AP5Z1: variants seen among roughly 807,000 people sequenced by gnomAD.
AP5Z1 encodes adaptor related protein complex 5 subunit zeta 1.
Under a neutral mutation model 83.0 loss-of-function variants are expected in AP5Z1, and 106 were observed. The ratio of observed to expected loss-of-function variants is 1.28; its 90% CI spans 1.09 to 1.50. The LOEUF is 1.50. Among genes scored for constraint, AP5Z1 ranks in the 40% most tolerant of loss-of-function variants. The pLI is 0.00. For synonymous variants in AP5Z1, 751 were observed against 514.1 expected, an observed-to-expected ratio of 1.46 and a Z score of -6.23; for missense variants, 1,565 against 1,094.2, an observed-to-expected ratio of 1.43 and a Z score of -6.07.
intron 14 of AP5Z1, 68 bp downstream of exon 14, chr7:4,789,997 T>TCC: frequency 2.6e-6 from 1 of 385,904 alleles, no homozygotes; most frequent in Non-Finnish European, 3.2e-6. Context: ...CCCTCTCCCC[T>TCC]CCCCCCTCCC....
In AP5Z1 at chr7:4,778,738, TTATA is replaced by T. The variant is rs1781287168; in HGVS notation, c.42-2432_42-2429del. Among the ~76,000 whole-genome samples the T allele has an allele frequency of 3.4e-5, 5 of 147,268 alleles. No individual in the cohort carries two copies. The South Asian group carries it at 1.0e-3, about 31-fold the overall frequency. ...ATATGTATATGTGTGTATATATAAT[TTATA>T]TATAACATTTTATATATTATATATT... On this transcript the variant is annotated intron_variant, in intron 1 of 16. Transcript: ENST00000649063.
chr7:4,779,325 TTA>T (rs952038750), intron 1 of AP5Z1, among the ~76,000 whole-genome samples: 38 of 147,360 alleles, frequency 2.6e-4, no homozygotes, highest in Admixed American at 1.4e-3. Flanking sequence ...ACATAACACG[TTA>T]TATATGATAT....
rs1473793825 is a variant in AP5Z1 at position 4,775,624 on chromosome 7, A to G, written c.-92A>G. 6.5e-6 allele frequency: 10 copies of G among 1,540,926 alleles called. No homozygotes were observed. In the African/African-American group the frequency reaches 8.2e-5, roughly 13 times the overall value. On this transcript the variant is annotated 5_prime_UTR_variant, in exon 1 of 17. Coordinates refer to ENST00000649063, the MANE Select transcript of AP5Z1 (RefSeq NM_014855.3). ...CACGTAAGGCCGCTGCGCTCACGTG[A>G]CGCGGTCCCGGAAGTTGACCGGGGT...
rs1781499973 is a variant in AP5Z1, at chr7:4,785,133, T to G, written c.931+85T>G. 3 of 1,511,450 alleles carry G rather than the reference T, an allele frequency of 2.0e-6. No individual in the cohort carries two copies. The East Asian group carries it at 6.9e-5, about 35-fold the overall frequency. 93.6% of individuals were successfully genotyped at this position (1,511,450 alleles called of 1,614,324 possible). On this transcript the variant is annotated intron_variant, in intron 7 of 16. Transcript: ENST00000649063. ...CCACCTGAGGCCAGCACAGCTTCCC[T>G]GAGCTACTGCTCCACAGAGGGGGTC... is the stretch of plus-strand genomic sequence containing the variant.
rs761776149 is a variant in AP5Z1, at chr7:4,786,418, A to G, written c.1301A>G (p.Asn434Ser). 3 of 1,613,404 alleles carry G rather than the reference A, an allele frequency of 1.9e-6. No individual in the cohort carries two copies. The highest frequency in any genetic ancestry group is 1.7e-5 in the Admixed American group (1 of 59,982). ...AGCACCCTCAGATTGAGCTTCCCCA[A>G]CCTCTTTAAGGTATATTTGGGCATC... ...HLSTLRLSFPNLFKFLAWNSP... is the reference protein window; with the variant it reads ...HLSTLRLSFPSLFKFLAWNSP... Residue 434 changes from asparagine to serine, a missense_variant, in exon 10 of 17, where the codon AAC becomes AGC. Physicochemically the swap from Asn to Ser is conservative, Grantham distance 46 (BLOSUM62 1). Transcript: ENST00000649063.
intron 4 of AP5Z1, 31 bp downstream of exon 4, chr7:4,783,491 G>A: frequency 6.2e-7 from 1 of 1,604,650 alleles, no homozygotes; most frequent in Non-Finnish European, 8.5e-7. Flanking sequence ...GAGGCTGTTG[G>A]GGGTCTGCCT....
chr7:4,788,139 C>T lies in AP5Z1; in HGVS notation c.1455-15C>T, dbSNP rs547586402. The T allele has an allele frequency of 8.1e-5, 122 of 1,513,586 alleles. No homozygotes were observed. The highest frequency in any genetic ancestry group is 2.2e-5 in the Non-Finnish European group (25 of 1,124,860). 93.8% of individuals were successfully genotyped at this position (1,513,586 alleles called of 1,614,324 possible). ...GGCCGCATCCCAGCCTGGCCTTGGG[C>T]GTCTGTCCACGCAGGTCAGCACCGG... is the stretch of plus-strand genomic sequence containing the variant. On this transcript the variant is annotated splice_polypyrimidine_tract_variant and intron_variant, in intron 11 of 16. Transcript: ENST00000649063.
At chr7:4,785,182 G>A (rs1327900416) in intron 7 of AP5Z1, 134 bp downstream of exon 7, 3 of 1,408,546 alleles carry the variant, frequency 2.1e-6, no homozygotes, top group South Asian at 1.4e-5. Flanking sequence ...TTTGGAGCAG[G>A]GGCATTTTTG....
chr7:4,785,380 A>G, intron 7 of AP5Z1, 35 bp from the exon 8 acceptor site: 1 of 1,609,646 alleles, frequency 6.2e-7, no homozygotes, highest in Non-Finnish European at 8.5e-7. Flanking sequence ...TCTAAGGCTG[A>G]GACAGAGCCG....
intron 13 of AP5Z1, among the ~76,000 whole-genome samples, 185 bp from the exon 14 acceptor site, chr7:4,789,647 G>A (rs1035342697): frequency 2.0e-5 from 3 of 152,228 alleles, no homozygotes; most frequent in Non-Finnish European, 2.9e-5. Flanking sequence ...GGCCAGCCCA[G>A]GGCTTCCCTC....
At position 4,789,217 on chromosome 7, in the gene AP5Z1, C is replaced by T. The variant is rs540525545; in HGVS notation, c.1707+266C>T. Reference sequence around the variant, plus strand: ...CCGGCAGGCCACGTCCCCCAATCCCCGTCCCATCCCCTTCATCCCGGCAGG... The same window carrying T: ...CCGGCAGGCCACGTCCCCCAATCCCTGTCCCATCCCCTTCATCCCGGCAGG... On this transcript the variant is annotated intron_variant, in intron 13 of 16. Transcript: ENST00000649063. Among the ~76,000 whole-genome samples, 6 of 148,566 alleles carry T rather than the reference C, an allele frequency of 4.0e-5. No individual in the cohort carries two copies. In the East Asian group the frequency reaches 5.8e-4, roughly 14 times the overall value.
In AP5Z1 at chr7:4,777,444, A is replaced by G. The variant is rs181696298; in HGVS notation, c.41+1688A>G. Among the ~76,000 whole-genome samples, 896 of 151,980 alleles carry G rather than the reference A, an allele frequency of 5.9e-3. 9 individuals carry two copies. The highest frequency in any genetic ancestry group is 0.021 in the African/African-American group (862 of 41,426). ...CCTCTGTCGCCCAGGCTGGAGTACA[A>G]TGGCGCAATCTCAGTTCACTGCAAC... On this transcript the variant is annotated intron_variant, in intron 1 of 16. Coordinates refer to ENST00000649063, the MANE Select transcript of AP5Z1 (RefSeq NM_014855.3).
At position 4,783,258 on chromosome 7, in the gene AP5Z1, G is replaced by A. The variant is rs1781432472; in HGVS notation, c.367-58G>A. 5 of 1,505,874 alleles carry A rather than the reference G, an allele frequency of 3.3e-6. No homozygotes were observed. In the South Asian group the frequency reaches 6.3e-5, roughly 19 times the overall value. The allele number at this position is 1,505,874 out of a possible 1,614,324, so 93.3% of individuals were successfully genotyped here. A position where few individuals can be genotyped will look rare whatever the true frequency, so the allele number is the denominator to read the frequency against. On this transcript the variant is annotated intron_variant, in intron 3 of 16. Transcript: ENST00000649063. ...GAGTGTCACACAGACTTCCGAAATG[G>A]GGGAGCTGGTCTCTGGCACAGGCCA... is the stretch of plus-strand genomic sequence containing the variant.
chr7:4,779,102 ATT>A (rs1319398818), intron 1 of AP5Z1, among the ~76,000 whole-genome samples: 3 of 144,584 alleles, frequency 2.1e-5, no homozygotes, highest in African/African-American at 5.0e-5. Flanking sequence ...TAAAATATAT[ATT>A]ATATACATTT....
At chr7:4,789,027 G>A (rs1562412611) in intron 13 of AP5Z1, 76 bp downstream of exon 13, 3 of 1,266,628 alleles carry the variant, frequency 2.4e-6, no homozygotes, top group East Asian at 2.5e-5. Context: ...GCACTGGGGG[G>A]CCCTCTTGAG....
At chr7:4,790,293 T>C (rs1213640764) in intron 14 of AP5Z1, 166 bp from the exon 15 acceptor site, 1 of 1,542,722 alleles carries the variant, frequency 6.5e-7, no homozygotes, top group South Asian at 1.2e-5. Flanking sequence ...TTCTCCCCAG[T>C]GAGAACAGTT....
intron 5 of AP5Z1, 113 bp from the exon 6 acceptor site, chr7:4,784,090 C>T: frequency 7.6e-7 from 1 of 1,324,080 alleles, no homozygotes; most frequent in East Asian, 2.5e-5. Flanking sequence ...GGGCCGCTGC[C>T]CGGGCTCATG....
intron 4 of AP5Z1, 103 bp from the exon 5 acceptor site, chr7:4,783,586 C>T (rs1030629688): frequency 3.7e-5 from 56 of 1,523,808 alleles, no homozygotes; most frequent in South Asian, 3.7e-4. Flanking sequence ...GGGTTTGGGA[C>T]GCTGCAGGAT....
In AP5Z1 at chr7:4,786,148, T is replaced by C. The variant is rs1292072308; in HGVS notation, c.1133-102T>C. The stretch of plus-strand genomic sequence containing the variant: ...GCGTAGGACGCCTCGGAGCCCTTGG[T>C]GTCCTGGAGAGCAGGCCTGAGACTC... On this transcript the variant is annotated intron_variant, in intron 9 of 16. Transcript: ENST00000649063. 5 of 1,252,270 alleles carry C rather than the reference T, an allele frequency of 4.0e-6. No individual in the cohort carries two copies. The East Asian group carries it at 1.3e-4, about 32-fold the overall frequency. The allele number at this position is 1,252,270 out of a possible 1,614,324, so 77.6% of individuals were successfully genotyped here. A position where few individuals can be genotyped will look rare whatever the true frequency, so the allele number is the denominator to read the frequency against.
Sources: gnomAD v4.1 joint callset for allele counts (sites outside exome capture counted in the v4.1 genomes callset) on GRCh38, gnomAD v4.1.1 for gene constraint, MANE v1.5 for transcripts, NCBI Gene and HGNC (gene_info 2026-07-23, HGNC 2026-07-21) for gene names.